The following HOMER3 variants were observed in gnomAD, a reference collection of about 807,000 sequenced individuals.
HOMER3 encodes the protein homer protein homolog 3.
Under a neutral mutation model 45.5 loss-of-function variants are expected in HOMER3, and 34 were observed. The ratio of observed to expected loss-of-function variants is 0.75; its 90% confidence interval spans 0.57 to 1.00. HOMER3 has a LOEUF of 1.00. HOMER3 is among the 50% of genes least tolerant of loss of function. The pLI is 0.00. For missense variants in HOMER3, 480 were observed against 497.5 expected, an observed-to-expected ratio of 0.96 and a Z score of 0.33; for synonymous variants, 223 against 208.8, an observed-to-expected ratio of 1.07 and a Z score of -0.58.
Position 18,929,309 on chromosome 19 carries a change from C to T in HOMER3, c.*134G>A, listed in dbSNP as rs1568333722. 2.0e-6 allele frequency: 2 copies of T among 1,023,174 alleles called. No homozygotes were observed. The highest frequency in any genetic ancestry group is 3.1e-6 in the Non-Finnish European group (2 of 654,858). The allele number at this position is 1,023,174 out of a possible 1,614,324, so 63.4% of individuals were successfully genotyped here. ...AGAGCCGACTGGGGCCCACCCCAGC[C>T]CAGCCCGGCCCGGCCCACCCAGGGC... is the stretch of plus-strand genomic sequence containing the variant. On this transcript the variant is annotated 3_prime_UTR_variant, in exon 10 of 10. Transcript: ENST00000392351.
intron 4 of HOMER3, among the ~76,000 whole-genome samples, chr19:18,936,313 C>A (rs866009636): frequency 1.9e-4 from 23 of 122,084 alleles, no homozygotes; most frequent in Non-Finnish European, 2.9e-4. Flanking sequence ...AACTCTGTCT[C>A]AAAAAAATAA....
chr19:18,938,787 A>T lies in HOMER3; in HGVS notation c.112T>A (p.Ser38Thr), dbSNP rs910455552. The T allele has an allele frequency of 2.5e-6, 4 of 1,599,964 alleles. No individual in the cohort carries two copies. Among genetic ancestry groups the T allele is most frequent in the Non-Finnish European group, 3.4e-6 (4 of 1,173,702 alleles). The change falls in exon 3 of 10, where the codon TCC becomes ACC. Residue 38 changes from serine to threonine, a missense_variant. Ser to Thr is a moderately conservative substitution (Grantham distance 58, BLOSUM62 1). Coordinates refer to ENST00000392351, the MANE Select transcript of HOMER3 (RefSeq NM_004838.4). ...TTGCGGGTGGCATCGTAGAAATAGG[A>T]GACAGTGAGTGCGTGCTTGCCCGCT... ...IPAGKHALTV[S>T]YFYDATRNVY...
intron 4 of HOMER3, 60 bp from the exon 5 acceptor site, chr19:18,934,470 C>CATCA (rs2057070857): frequency 9.5e-7 from 1 of 1,056,632 alleles, no homozygotes; most frequent in African/African-American, 1.6e-5. Context: ...AACAGGTCAC[C>CATCA]ATCACTCAGT....
chr19:18,935,659 T>C (rs994052298), intron 4 of HOMER3, among the ~76,000 whole-genome samples: 3 of 152,180 alleles, frequency 2.0e-5, no homozygotes, highest in Non-Finnish European at 4.4e-5. Context: ...AATACCAGTT[T>C]TCCAGTTAGG....
In HOMER3 at chr19:18,929,555, C is replaced by T. The variant is rs766461748; in HGVS notation, c.974G>A (p.Arg325Gln). 3.9e-4 allele frequency: 608 copies of T among 1,552,294 alleles called. 4 individuals are homozygous for T. The highest frequency in any genetic ancestry group is 9.1e-4 in the South Asian group (77 of 84,788). The change falls in exon 10 of 10, where the codon CGG (arginine) becomes CAG (glutamine). Residue 325 changes from arginine to glutamine, a missense_variant. Transcript: ENST00000392351. Reference protein sequence around the residue: ...ERSLEEARAERERARAEVGRA... With the variant: ...ERSLEEARAEQERARAEVGRA... ...GCCCACCTCAGCCCGCGCCCGCTCC[C>T]GCTCTGCCCGTGCCTCCTCCAGGCT... is the stretch of plus-strand genomic sequence containing the variant.
chr19:18,937,818 TGCCCA>T (rs888860262), intron 4 of HOMER3, among the ~76,000 whole-genome samples: 3 of 151,888 alleles, frequency 2.0e-5, no homozygotes, highest in African/African-American at 7.3e-5. Context: ...TGTGGGAAAG[TGCCCA>T]GCCCAGCCCA....
At position 18,932,965 on chromosome 19, in the gene HOMER3, G is replaced by A; in HGVS notation, c.492C>T (p.Gly164=). 6.8e-7 allele frequency: 1 copy of A among 1,461,048 alleles called. No individual in the cohort carries two copies. Among genetic ancestry groups the A allele is most frequent in the Non-Finnish European group, 9.0e-7 (1 of 1,106,594 alleles). 90.5% of individuals were successfully genotyped at this position (1,461,048 alleles called of 1,614,324 possible). The change falls in exon 6 of 10, where the codon GGC becomes GGT. Residue 164 remains glycine, a synonymous_variant. Coordinates refer to ENST00000392351, the MANE Select transcript of HOMER3 (RefSeq NM_004838.4). The part of the protein sequence containing the change: ...LFRSQSADAP[G]PTERERLKKM... ...TCTTTAGCCGCTCGCGCTCTGTGGG[G>A]CCGGGGGCATCAGCGCTCTGGCTGC...
intron 7 of HOMER3, 30 bp downstream of exon 7, chr19:18,931,946 G>C (rs1160775840): frequency 6.7e-7 from 1 of 1,498,944 alleles, no homozygotes; most frequent in Non-Finnish European, 8.9e-7. Flanking sequence ...GGGCCAGGTG[G>C]GGGTCTCTCG....
chr19:18,934,857 T>C (rs1363360412), intron 4 of HOMER3, among the ~76,000 whole-genome samples: 2 of 138,624 alleles, frequency 1.4e-5, no homozygotes, highest in Non-Finnish European at 3.2e-5. Flanking sequence ...AGAATGGCCC[T>C]TTTCCTGTTT....
intron 9 of HOMER3, 44 bp from the exon 10 acceptor site, chr19:18,929,678 C>A: frequency 7.0e-7 from 1 of 1,436,188 alleles, no homozygotes; most frequent in East Asian, 2.5e-5. Context: ...CAACAAATCA[C>A]CAGTCCTGCC....
Position 18,934,242 on chromosome 19 carries a change from G to C in HOMER3, c.411+61C>G, listed in dbSNP as rs1048982113. ...CCAATATCAAGGTCCCCCAATATCA[G>C]TTGAGCGCCTGGCTGACTCACAGGT... On this transcript the variant is annotated intron_variant, in intron 5 of 9. Transcript: ENST00000392351. 4.0e-6 allele frequency: 4 copies of C among 1,004,902 alleles called. No individual in the cohort carries two copies. The African/African-American group carries it at 6.7e-5, about 17-fold the overall frequency. The allele number at this position is 1,004,902 out of a possible 1,614,324, so 62.2% of individuals were successfully genotyped here. A position where few individuals can be genotyped will look rare whatever the true frequency, so the allele number is the denominator to read the frequency against.
chr19:18,939,595 G>A (rs1002728532), intron 1 of HOMER3: 2 of 152,540 alleles, frequency 1.3e-5, no homozygotes, highest in Admixed American at 6.5e-5. Flanking sequence ...CCTGGTGGCC[G>A]CTGACATCCA....
intron 4 of HOMER3, among the ~76,000 whole-genome samples, chr19:18,936,924 C>T (rs1238897539): frequency 6.6e-6 from 1 of 151,372 alleles, no homozygotes; most frequent in Non-Finnish European, 1.5e-5. Flanking sequence ...TGGTGTGAAC[C>T]TGGGAGGCAG....
At position 18,934,307 on chromosome 19, in the gene HOMER3, T is replaced by G. The variant is rs1601279774; in HGVS notation, c.407A>C (p.His136Pro). The G allele has an allele frequency of 3.9e-6, 6 of 1,519,856 alleles. No individual in the cohort carries two copies. Among genetic ancestry groups the G allele is most frequent in the Non-Finnish European group, 5.3e-6 (6 of 1,131,144 alleles). 94.1% of individuals were successfully genotyped at this position (1,519,856 alleles called of 1,614,324 possible). A position where few individuals can be genotyped will look rare whatever the true frequency, so the allele number is the denominator to read the frequency against. ...AGGGGAGTAGGGAGTGCTGACCTGG[T>G]GGGAGGCGAGCCCCAGGGCTGGACT... is the stretch of plus-strand genomic sequence containing the variant. ...LTSPALGLAS[H>P]QVPPSPLVSA... Residue 136 changes from histidine (H) to proline (P), a missense_variant, in exon 5 of 10, where the codon CAC becomes CCC. By Grantham distance (77) the His-to-Pro change is moderately conservative (BLOSUM62 -2). Coordinates refer to ENST00000392351, the MANE Select transcript of HOMER3 (RefSeq NM_004838.4).
In HOMER3 at chr19:18,929,645, A is replaced by G. The variant is rs1242117126; in HGVS notation, c.895-11T>C. The G allele has an allele frequency of 1.4e-5, 15 of 1,043,742 alleles. No homozygotes were observed. Among genetic ancestry groups the G allele is most frequent in the East Asian group, 4.2e-5 (1 of 24,068 alleles). The allele number at this position is 1,043,742 out of a possible 1,614,324, so 64.7% of individuals were successfully genotyped here. A position where few individuals can be genotyped will look rare whatever the true frequency, so the allele number is the denominator to read the frequency against. ...GCGGGTCTCCAGGTCCTGCCAGGAAAGGGTGGGCAGGGTTGGGGGCCCCAA... is the reference window on the plus strand; with the variant it reads ...GCGGGTCTCCAGGTCCTGCCAGGAAGGGGTGGGCAGGGTTGGGGGCCCCAA... On this transcript the variant is annotated splice_polypyrimidine_tract_variant and intron_variant, in intron 9 of 9. Transcript: ENST00000392351.
At chr19:18,935,052 G>A (rs2057077210) in intron 4 of HOMER3, among the ~76,000 whole-genome samples, 2 of 151,648 alleles carry the variant, frequency 1.3e-5, no homozygotes, top group Non-Finnish European at 2.9e-5. Flanking sequence ...ATGTTGGCCA[G>A]GCTGATCTTA....
rs757021500 is a variant in HOMER3 at position 18,929,595 on chromosome 19, G to A, written c.934C>T (p.Arg312Trp). The change falls in exon 10 of 10, where the codon CGG becomes TGG. Residue 312 changes from arginine to tryptophan, a missense_variant. Coordinates refer to ENST00000392351, the MANE Select transcript of HOMER3 (RefSeq NM_004838.4). ...TRNAELEHQL[R>W]AMERSLEEAR... ...TCCTCCAGGCTGCGCTCCATCGCCC[G>A]CAGCTGGTGCTCCAACTCCGCATTG... 5 of 1,537,680 alleles carry A rather than the reference G, an allele frequency of 3.3e-6. No individual in the cohort carries two copies. Among genetic ancestry groups the A allele is most frequent in the East Asian group, 2.4e-5 (1 of 40,926 alleles).
At chr19:18,932,182 AGTCGGGCGATGCTGGGCTAGGGGGCGGG>A in intron 6 of HOMER3, 50 bp from the exon 7 acceptor site, 1 of 599,402 alleles carries the variant, frequency 1.7e-6, no homozygotes, top group South Asian at 3.7e-5. Flanking sequence ...TGGGGGGCGG[AGTCGGGCGATGCTGGGCTAGGGGGCGGG>A]GCCAGGGGTG....
At chr19:18,936,082 G>A (rs1296989259) in intron 4 of HOMER3, among the ~76,000 whole-genome samples, 11 of 150,366 alleles carry the variant, frequency 7.3e-5, no homozygotes, top group South Asian at 2.1e-4. Context: ...TTGGGAGGCC[G>A]AGGCAGGTGG....
Sources: gnomAD v4.1 joint callset for allele counts (sites outside exome capture counted in the v4.1 genomes callset) on GRCh38, gnomAD v4.1.1 for gene constraint, MANE v1.5 for transcripts, NCBI Gene and HGNC (gene_info 2026-07-23, HGNC 2026-07-21) for gene names.